The following CLIC6 variants were observed in gnomAD, a reference collection of about 807,000 sequenced individuals.
CLIC6 encodes the protein chloride intracellular channel protein 6.
Under a neutral mutation model 49.2 loss-of-function variants are expected in CLIC6, and 39 were observed. The ratio of observed to expected loss-of-function variants is 0.79; its 90% confidence interval spans 0.61 to 1.04. The LOEUF (loss-of-function observed/expected upper bound fraction) is 1.04, where lower values mean the gene tolerates loss of function less well. Ranked by LOEUF, CLIC6 falls within the 50% of genes least tolerant of loss-of-function variation. The pLI, the probability that CLIC6 is intolerant of heterozygous loss-of-function variation, is 0.00. For missense variants in CLIC6, 988 were observed against 993.1 expected, an observed-to-expected ratio of 0.99 and a Z score of 0.07; for synonymous variants, 446 against 433.4, an observed-to-expected ratio of 1.03 and a Z score of -0.36.
intron 4 of CLIC6, 31 bp downstream of exon 4, chr21:34,708,837 C>A: frequency 6.7e-7 from 1 of 1,494,214 alleles, no homozygotes; most frequent in Non-Finnish European, 9.3e-7. Flanking sequence ...TGTTTTGTTT[C>A]AACACAGACT....
chr21:34,708,124 A>C, intron 3 of CLIC6, 55 bp downstream of exon 3: 1 of 1,602,744 alleles, frequency 6.2e-7, no homozygotes, highest in Non-Finnish European at 8.5e-7. Flanking sequence ...CCCCACTAGT[A>C]GTCAGTTCTA....
chr21:34,707,124 A>G (rs1030474350), intron 1 of CLIC6, among the ~76,000 whole-genome samples, 156 bp from the exon 2 acceptor site: 5 of 151,998 alleles, frequency 3.3e-5, no homozygotes, highest in African/African-American at 9.7e-5. Context: ...TCCACCGCCA[A>G]CTCCACATTG....
chr21:34,689,489 G>C (rs1279121869), intron 1 of CLIC6, among the ~76,000 whole-genome samples: 1 of 152,180 alleles, frequency 6.6e-6, no homozygotes. Flanking sequence ...ACCATTCGGA[G>C]TATTATTGTT....
chr21:34,710,414 G>T (rs76298284), intron 5 of CLIC6, among the ~76,000 whole-genome samples: 2 of 152,186 alleles, frequency 1.3e-5, no homozygotes, highest in African/African-American at 4.8e-5. Flanking sequence ...AGCTGAACAT[G>T]ATTTAAGAGC....
Position 34,692,928 on chromosome 21 carries a change from C to T in CLIC6, c.1375-14352C>T, listed in dbSNP as rs191459860. On this transcript the variant is annotated intron_variant, in intron 1 of 5. Transcript: ENST00000349499. ...ATTAGAATTTCTTTTTCTTGGTCTG[C>T]TCTGCCAGCATATGGGGTGACCCTA... Among the ~76,000 whole-genome samples, 268 of 152,296 alleles carry T rather than the reference C, an allele frequency of 1.8e-3. 2 individuals are homozygous for T. The highest frequency in any genetic ancestry group is 6.2e-3 in the African/African-American group (256 of 41,562).
At chr21:34,715,583 T>C (rs1435741638) in intron 5 of CLIC6, among the ~76,000 whole-genome samples, 3 of 152,194 alleles carry the variant, frequency 2.0e-5, no homozygotes, top group African/African-American at 7.2e-5. Context: ...TCCCAGCATG[T>C]GTTACTTTAT....
rs1292164603 is a variant in CLIC6, at chr21:34,708,658, A to G, written c.1611-42A>G. The G allele has an allele frequency of 1.4e-5, 19 of 1,373,152 alleles. No homozygotes were observed. The South Asian group carries it at 2.2e-4, about 16-fold the overall frequency. The allele number at this position is 1,373,152 out of a possible 1,614,324, so 85.1% of individuals were successfully genotyped here. A position where few individuals can be genotyped will look rare whatever the true frequency, so the allele number is the denominator to read the frequency against. On this transcript the variant is annotated intron_variant, in intron 3 of 5. Transcript: ENST00000349499. Reference sequence around the variant, plus strand: ...CATTGTATAGTATTATCTTCACTAAAACATCACTTGTCTGTGATCCTCCAA... The same window carrying G: ...CATTGTATAGTATTATCTTCACTAAGACATCACTTGTCTGTGATCCTCCAA...
rs1197591108 is a variant in CLIC6 at position 34,716,636 on chromosome 21, C to T, written c.*154C>T. 2 of 514,078 alleles carry T rather than the reference C, an allele frequency of 3.9e-6. No individual in the cohort carries two copies. Among genetic ancestry groups the T allele is most frequent in the Non-Finnish European group, 6.7e-6 (2 of 300,498 alleles). The allele number at this position is 514,078 out of a possible 1,614,324, so 31.8% of individuals were successfully genotyped here. A position where few individuals can be genotyped will look rare whatever the true frequency, so the allele number is the denominator to read the frequency against. ...AAATCATTGAGAGCCTGTTTTTCTT[C>T]TCTAAAACATTAGTTTAATTTTCTT... On this transcript the variant is annotated 3_prime_UTR_variant, in exon 6 of 6. Transcript: ENST00000349499.
intron 1 of CLIC6, among the ~76,000 whole-genome samples, chr21:34,699,764 C>T (rs748397751): frequency 2.0e-5 from 3 of 152,128 alleles, no homozygotes; most frequent in East Asian, 1.9e-4. Context: ...AGGTTAAGAA[C>T]GGAGGTTTAA....
chr21:34,674,583 G>T (rs754900351), intron 1 of CLIC6, among the ~76,000 whole-genome samples: 4 of 152,116 alleles, frequency 2.6e-5, no homozygotes, highest in Non-Finnish European at 4.4e-5. Flanking sequence ...AAGCATGCAA[G>T]GATGCATTCT....
At chr21:34,679,878 A>T (rs1989742604) in intron 1 of CLIC6, among the ~76,000 whole-genome samples, 1 of 152,210 alleles carries the variant, frequency 6.6e-6, no homozygotes, top group Non-Finnish European at 1.5e-5. Flanking sequence ...AGGGTACAGC[A>T]TCCCTCTTGG....
intron 1 of CLIC6, among the ~76,000 whole-genome samples, chr21:34,702,130 G>C (rs902226606): frequency 1.3e-5 from 2 of 152,194 alleles, no homozygotes; most frequent in African/African-American, 4.8e-5. Context: ...GTCATTTTGT[G>C]AGCGTTTCCT....
chr21:34,697,411 T>TTCCCC (rs1251663690), intron 1 of CLIC6, among the ~76,000 whole-genome samples: 2 of 152,136 alleles, frequency 1.3e-5, no homozygotes, highest in Non-Finnish European at 2.9e-5. Flanking sequence ...ATCTGGTCCC[T>TTCCCC]TCCCCTCCCC....
rs917629134 is a variant in CLIC6, at chr21:34,707,210, T to G, written c.1375-70T>G. ...TATCAACCTGCAATGATTTTGCATGTGCATGTTGTGGTGTTGGCACTTATA... is the reference window on the plus strand; with the variant it reads ...TATCAACCTGCAATGATTTTGCATGGGCATGTTGTGGTGTTGGCACTTATA... On this transcript the variant is annotated intron_variant, in intron 1 of 5. Coordinates refer to ENST00000349499, the MANE Select transcript of CLIC6 (RefSeq NM_053277.3). The G allele has an allele frequency of 2.7e-6, 3 of 1,125,852 alleles. No individual in the cohort carries two copies. The East Asian group carries it at 7.0e-5, about 26-fold the overall frequency. 69.7% of individuals were successfully genotyped at this position (1,125,852 alleles called of 1,614,324 possible).
chr21:34,715,814 C>T (rs547399288), intron 5 of CLIC6, among the ~76,000 whole-genome samples: 19 of 152,320 alleles, frequency 1.2e-4, no homozygotes, highest in South Asian at 1.0e-3. Flanking sequence ...GCGGGCCCCA[C>T]GATCAGACGA....
At position 34,670,601 on chromosome 21, in the gene CLIC6, G is replaced by A; in HGVS notation, c.1213G>A (p.Gly405Ser). 1 of 1,538,774 alleles carries A rather than the reference G, an allele frequency of 6.5e-7. No homozygotes were observed. The highest frequency in any genetic ancestry group is 8.7e-7 in the Non-Finnish European group (1 of 1,143,026). Reference protein sequence around the residue: ...DSSPHGEASRGAAEPEAQLSN... With the variant: ...DSSPHGEASRSAAEPEAQLSN... ...CAGCCCACATGGGGAGGCCTCCAGG[G>A]GCGCCGCGGAGCCTGAGGCCCAGCT... Residue 405 changes from glycine (G) to serine (S), a missense_variant, in exon 1 of 6, where the codon GGC (glycine) becomes AGC (serine). By Grantham distance (56) the Gly-to-Ser change is moderately conservative (BLOSUM62 0). Around this residue, in one of 3 missense-constraint regions of CLIC6, gnomAD observed 647 missense variants for 596.9 expected, o/e 1.08. Coordinates refer to ENST00000349499, the MANE Select transcript of CLIC6 (RefSeq NM_053277.3).
rs1989467106 is a variant in CLIC6, at chr21:34,669,098, G to C, written c.-291G>C. Reference sequence around the variant, plus strand: ...CCTCCGCGGCCCGCGGGCGAGATTGGGGTCCCGGTGGGAAGCAGACGCGCA... The same window carrying C: ...CCTCCGCGGCCCGCGGGCGAGATTGCGGTCCCGGTGGGAAGCAGACGCGCA... On this transcript the variant is annotated 5_prime_UTR_variant, in exon 1 of 6. Transcript: ENST00000349499. Among the ~76,000 whole-genome samples, 1 of 152,248 alleles carries C rather than the reference G, an allele frequency of 6.6e-6. No homozygotes were observed. Among genetic ancestry groups the C allele is most frequent in the Non-Finnish European group, 1.5e-5 (1 of 68,046 alleles).
chr21:34,714,636 C>T (rs111598686), intron 5 of CLIC6, among the ~76,000 whole-genome samples: 4,123 of 150,266 alleles, frequency 0.027, 204 homozygotes, highest in African/African-American at 0.096. Flanking sequence ...TGCAGTGAGC[C>T]GAGATCCTCC....
Position 34,669,118 on chromosome 21 carries a change from C to CGCGCAA in CLIC6, c.-270_-265dup, listed in dbSNP as rs958570158. Among the ~76,000 whole-genome samples the CGCGCAA allele has an allele frequency of 4.3e-4, 66 of 152,208 alleles. No individual in the cohort carries two copies. The highest frequency in any genetic ancestry group is 1.3e-4 in the Admixed American group (2 of 15,290). On this transcript the variant is annotated 5_prime_UTR_variant, in exon 1 of 6. Coordinates refer to ENST00000349499, the MANE Select transcript of CLIC6 (RefSeq NM_053277.3). ...GATTGGGGTCCCGGTGGGAAGCAGA[C>CGCGCAA]GCGCAATCGGGGAGAAGCTCCAGCA... is the stretch of plus-strand genomic sequence containing the variant.
Sources: allele counts gnomAD v4.1 joint callset (sites outside exome capture counted in the v4.1 genomes callset), GRCh38; gene constraint gnomAD v4.1.1; regional missense constraint gnomAD v4.1.1; transcripts MANE v1.5; gene names NCBI Gene and HGNC (gene_info 2026-07-23, HGNC 2026-07-21).